Variants in OVOL1 observed in about 807,000 individuals in gnomAD.
OVOL1 encodes putative transcription factor Ovo-like 1.
Under a neutral mutation model 21.5 loss-of-function variants are expected in OVOL1, and 10 were observed. That is an observed-to-expected ratio of 0.46 (90% confidence interval 0.29 to 0.79). OVOL1 has a LOEUF of 0.79. Ranked by LOEUF, OVOL1 falls within the 30% of genes least tolerant of loss-of-function variation. The probability of loss-of-function intolerance (pLI) is 0.10; values close to 1 mark genes in which losing one functional copy is unlikely to be tolerated. For missense variants in OVOL1, 279 were observed against 362.3 expected (o/e 0.77, Z 1.87); for synonymous variants, 129 against 150.3 (o/e 0.86, Z 1.03).
chr11:65,795,487 G>C lies in OVOL1; in HGVS notation c.*146G>C, dbSNP rs1451505583. The stretch of plus-strand genomic sequence containing the variant: ...GCCCCCGTGCCTTGGTCTCCCCCCT[G>C]GGCACACGTGCTCACTCAGGCCCAG... On this transcript the variant is annotated 3_prime_UTR_variant, in exon 4 of 4. Transcript: ENST00000335987. The surrounding 1 kb of genome is among the most constrained non-coding windows in gnomAD (Gnocchi z 5.7). 1 of 700,848 alleles carries C rather than the reference G, an allele frequency of 1.4e-6. No homozygotes were observed. The highest frequency in any genetic ancestry group is 2.4e-6 in the Non-Finnish European group (1 of 421,404). The allele number at this position is 700,848 out of a possible 1,614,324, so 43.4% of individuals were successfully genotyped here.
intron 1 of OVOL1, chr11:65,789,645 T>C (rs1390428190): frequency 2.0e-6 from 2 of 983,312 alleles, no homozygotes; most frequent in African/African-American, 3.5e-5. Context: ...CAGCCAACCA[T>C]GACCCCAGAG....
rs1365170691 is a variant in OVOL1, at chr11:65,796,200, C to T, written c.*859C>T. 1.3e-5 allele frequency: 2 copies of T among 152,608 alleles called. No homozygotes were observed. Among genetic ancestry groups the T allele is most frequent in the East Asian group, 3.8e-4 (2 of 5,196 alleles). 9.5% of individuals were successfully genotyped at this position (152,608 alleles called of 1,614,324 possible). A position where few individuals can be genotyped will look rare whatever the true frequency, so the allele number is the denominator to read the frequency against. On this transcript the variant is annotated 3_prime_UTR_variant, in exon 4 of 4. Coordinates refer to ENST00000335987, the MANE Select transcript of OVOL1 (RefSeq NM_004561.4). ...GGCTCTGGGCGGGGGCTGCCCCAAC[C>T]CACCCCCGTTCTTTGTACGTGCTGA...
At position 65,794,758 on chromosome 11, in the gene OVOL1, C is replaced by T. The variant is rs777175091; in HGVS notation, c.508+31C>T. 1.6e-5 allele frequency: 26 copies of T among 1,594,674 alleles called. No individual in the cohort carries two copies. The East Asian group carries it at 2.0e-4, about 12-fold the overall frequency. Reference sequence around the variant, plus strand: ...TGGAAGCCCACGGCTGGGAGGAGCACGCCGGATCCGCCTGGCCGCGGCCGT... The same window carrying T: ...TGGAAGCCCACGGCTGGGAGGAGCATGCCGGATCCGCCTGGCCGCGGCCGT... On this transcript the variant is annotated intron_variant, in intron 3 of 3. Coordinates refer to ENST00000335987, the MANE Select transcript of OVOL1 (RefSeq NM_004561.4).
intron 1 of OVOL1, among the ~76,000 whole-genome samples, chr11:65,788,131 G>A (rs897904549): frequency 3.3e-5 from 5 of 152,342 alleles, no homozygotes; most frequent in African/African-American, 1.2e-4. Flanking sequence ...GTGGGATCGG[G>A]TCTCACCTCT....
At chr11:65,787,639 G>A (rs900356803) in intron 1 of OVOL1, among the ~76,000 whole-genome samples, 166 bp downstream of exon 1, 1 of 151,636 alleles carries the variant, frequency 6.6e-6, no homozygotes, top group African/African-American at 2.4e-5. Flanking sequence ...CTCGACCCGG[G>A]ACTCGGGGGG....
chr11:65,794,822 C>T (rs975645737), intron 3 of OVOL1, 95 bp downstream of exon 3: 52 of 1,325,098 alleles, frequency 3.9e-5, no homozygotes, highest in Admixed American at 1.3e-4. Flanking sequence ...CCCTCGGTGA[C>T]GGGCAGCCTG....
Position 65,795,840 on chromosome 11 carries a change from C to T in OVOL1, c.*499C>T, listed in dbSNP as rs1322659577. The T allele has an allele frequency of 5.1e-6, 1 of 194,898 alleles. No homozygotes were observed. Among genetic ancestry groups the T allele is most frequent in the South Asian group, 1.1e-4 (1 of 9,362 alleles). 12.1% of individuals were successfully genotyped at this position (194,898 alleles called of 1,614,324 possible). On this transcript the variant is annotated 3_prime_UTR_variant, in exon 4 of 4. Transcript: ENST00000335987. The surrounding 1 kb of genome is among the most constrained non-coding windows in gnomAD (Gnocchi z 5.7). ...GCAGACCCCCCACCTGGCAGGGCTT[C>T]TAATGCTCAGGGTTCTGGAGGGCTC...
Position 65,795,177 on chromosome 11 carries a change from G to A in OVOL1, c.640G>A (p.Val214Met), listed in dbSNP as rs1177285048. 6.2e-7 allele frequency: 1 copy of A among 1,613,140 alleles called. No individual in the cohort carries two copies. The highest frequency in any genetic ancestry group is 1.1e-5 in the South Asian group (1 of 91,074). Residue 214 changes from valine to methionine, a missense_variant, in exon 4 of 4, where the codon GTG (valine) becomes ATG (methionine). Physicochemically the swap from Val to Met is conservative, Grantham distance 21. Transcript: ENST00000335987. The surrounding 1 kb of genome is among the most constrained non-coding windows in gnomAD (Gnocchi z 5.7). ...CAAGGAGCGGCGGGCCAAGCTGTAC[G>A]TGTGTGAGGAGTGCGGCTGCACATC... ...AYKERRAKLY[V>M]CEECGCTSES...
intron 2 of OVOL1, 40 bp downstream of exon 2, chr11:65,794,288 C>G (rs1381355453): frequency 6.5e-7 from 1 of 1,534,456 alleles, no homozygotes; most frequent in Non-Finnish European, 9.0e-7. Flanking sequence ...CGGGGGCGTG[C>G]ATGTAGACCT....
rs1403148195 is a variant in OVOL1, at chr11:65,795,187, A to G, written c.650A>G (p.Glu217Gly). Residue 217 changes from glutamate (E) to glycine (G), a missense_variant, in exon 4 of 4, where the codon GAG (glutamate) becomes GGG (glycine). Physicochemically the swap from Glu to Gly is moderately conservative, Grantham distance 98. Transcript: ENST00000335987. This position sits in a 1 kb window ranked among gnomAD's most constrained non-coding sequence, Gnocchi z 5.7. ...CGGGCCAAGCTGTACGTGTGTGAGG[A>G]GTGCGGCTGCACATCTGAGAGCCAG... ...ERRAKLYVCE[E>G]CGCTSESQEG... The G allele has an allele frequency of 6.2e-7, 1 of 1,613,174 alleles. No individual in the cohort carries two copies. Among genetic ancestry groups the G allele is most frequent in the South Asian group, 1.1e-5 (1 of 91,068 alleles).
At chr11:65,789,521 GTT>G in intron 1 of OVOL1, 1 of 226,514 alleles carries the variant, frequency 4.4e-6, no homozygotes, top group Non-Finnish European at 7.4e-6. Flanking sequence ...TTTTCCCACA[GTT>G]TTTGGCAATG....
chr11:65,793,150 C>T (rs565408726), intron 1 of OVOL1, among the ~76,000 whole-genome samples: 1 of 152,352 alleles, frequency 6.6e-6, no homozygotes, highest in African/African-American at 2.4e-5. Flanking sequence ...TGAGAATTGC[C>T]TGTCTGTGTC....
chr11:65,795,438 C>G lies in OVOL1; in HGVS notation c.*97C>G. 1 of 1,148,970 alleles carries G rather than the reference C, an allele frequency of 8.7e-7. No individual in the cohort carries two copies. The highest frequency in any genetic ancestry group is 1.2e-6 in the Non-Finnish European group (1 of 811,596). 71.2% of individuals were successfully genotyped at this position (1,148,970 alleles called of 1,614,324 possible). ...GCCCACCCTCCTGCAACCTCTCACC[C>G]GAACACCAGTGATCAGGACTGGAGC... is the stretch of plus-strand genomic sequence containing the variant. On this transcript the variant is annotated 3_prime_UTR_variant, in exon 4 of 4. Transcript: ENST00000335987. The surrounding 1 kb of genome is among the most constrained non-coding windows in gnomAD (Gnocchi z 5.7).
intron 1 of OVOL1, chr11:65,788,768 C>T (rs765699929): frequency 2.5e-5 from 25 of 985,330 alleles, no homozygotes; most frequent in Non-Finnish European, 3.0e-5. Context: ...AGGGAATGTG[C>T]CAGAAGACCC....
intron 1 of OVOL1, chr11:65,789,411 C>T (rs1200707272): frequency 6.5e-6 from 1 of 152,870 alleles, no homozygotes; most frequent in Non-Finnish European, 1.5e-5. Flanking sequence ...GAGAATTTGT[C>T]CTCATCCCCA....
In OVOL1 at chr11:65,790,093, A is replaced by T. The variant is rs1857985154; in HGVS notation, c.100+2620A>T. 4 of 121,576 alleles carry T rather than the reference A, an allele frequency of 3.3e-5. No homozygotes were observed. In the Admixed American group the frequency reaches 4.7e-4, roughly 14 times the overall value. 7.5% of individuals were successfully genotyped at this position (121,576 alleles called of 1,614,324 possible). On this transcript the variant is annotated intron_variant, in intron 1 of 3. Coordinates refer to ENST00000335987, the MANE Select transcript of OVOL1 (RefSeq NM_004561.4). ...GCCTTCCTTTGTTATGTCAATATTG[A>T]CTTGGAGTGACAGGGAGTAATGCTG...
intron 1 of OVOL1, chr11:65,789,049 G>A: frequency 1.0e-6 from 1 of 985,512 alleles, no homozygotes; most frequent in South Asian, 4.7e-5. Flanking sequence ...CTTGGACCGT[G>A]GTAAAGGTGA....
chr11:65,795,211 A>G lies in OVOL1; in HGVS notation c.674A>G (p.Gln225Arg), dbSNP rs1315356592. 6.2e-7 allele frequency: 1 copy of G among 1,613,360 alleles called. No individual in the cohort carries two copies. The highest frequency in any genetic ancestry group is 1.3e-5 in the African/African-American group (1 of 74,916). ...CEECGCTSES[Q>R]EGHVLHLKEH... The stretch of plus-strand genomic sequence containing the variant: ...GAGTGCGGCTGCACATCTGAGAGCC[A>G]GGAGGGCCACGTCCTGCACCTGAAG... Residue 225 changes from glutamine to arginine, a missense_variant, in exon 4 of 4, where the codon CAG becomes CGG. Physicochemically the swap from Gln to Arg is conservative, Grantham distance 43. Coordinates refer to ENST00000335987, the MANE Select transcript of OVOL1 (RefSeq NM_004561.4). The surrounding 1 kb of genome is among the most constrained non-coding windows in gnomAD (Gnocchi z 5.7).
At position 65,792,850 on chromosome 11, in the gene OVOL1, C is replaced by T. The variant is rs564500151; in HGVS notation, c.101-1181C>T. Among the ~76,000 whole-genome samples the T allele has an allele frequency of 3.4e-4, 52 of 152,364 alleles. No homozygotes were observed. In the South Asian group the frequency reaches 0.01, roughly 30 times the overall value. On this transcript the variant is annotated intron_variant, in intron 1 of 3. Transcript: ENST00000335987. ...ACATTTCTCTGCTTCCCCCATGTCC[C>T]TGTCCTCCTGGGAGAAGAGGTGAGG...
Sources: allele counts gnomAD v4.1 joint callset (sites outside exome capture counted in the v4.1 genomes callset), GRCh38; gene constraint gnomAD v4.1.1; non-coding constraint Gnocchi (gnomAD v3.1); transcripts MANE v1.5; gene names NCBI Gene and HGNC (gene_info 2026-07-23, HGNC 2026-07-21).